PSMA1: variants seen among roughly 807,000 people sequenced by gnomAD.
The protein encoded by PSMA1 is proteasome subunit alpha type-1.
In PSMA1, 3 loss-of-function variants were observed where a neutral mutation model predicts 38.4. The ratio of observed to expected loss-of-function variants is 0.08; its 90% confidence interval spans 0.04 to 0.20. The LOEUF is 0.20. Ranked by LOEUF, PSMA1 falls within the 10% of genes least tolerant of loss-of-function variation. The pLI, the probability that PSMA1 is intolerant of heterozygous loss-of-function variation, is 1.00. For missense variants in PSMA1, 227 were observed against 325.3 expected, an observed-to-expected ratio of 0.70 and a Z score of 2.32; for synonymous variants, 101 against 107.1, an observed-to-expected ratio of 0.94 and a Z score of 0.35.
At chr11:14,530,149 C>A (rs1207495240) in intron 2 of PSMA1, among the ~76,000 whole-genome samples, 1 of 152,042 alleles carries the variant, frequency 6.6e-6, no homozygotes, top group South Asian at 2.1e-4. Flanking sequence ...CTGCCCTACC[C>A]CCCTGCTAGG....
intron 1 of PSMA1, among the ~76,000 whole-genome samples, chr11:14,638,997 T>C (rs907920866): frequency 1.3e-5 from 2 of 152,146 alleles, no homozygotes; most frequent in African/African-American, 4.8e-5. Flanking sequence ...GTAAGCGTTA[T>C]AGATTTAATA....
At chr11:14,589,427 G>GTA (rs1565051948) in intron 2 of PSMA1, among the ~76,000 whole-genome samples, 1 of 150,404 alleles carries the variant, frequency 6.6e-6, no homozygotes, top group African/African-American at 2.4e-5. Flanking sequence ...ATATATGTGT[G>GTA]TATATATATG....
At chr11:14,609,487 G>C (rs1852683139) in intron 2 of PSMA1, among the ~76,000 whole-genome samples, 1 of 152,128 alleles carries the variant, frequency 6.6e-6, no homozygotes, top group South Asian at 2.1e-4. Context: ...TTAGTGACAT[G>C]ATAAGGAGAA....
At chr11:14,588,611 A>G (rs1852376835) in intron 2 of PSMA1, among the ~76,000 whole-genome samples, 5 of 152,234 alleles carry the variant, frequency 3.3e-5, no homozygotes, top group Admixed American at 3.3e-4. Flanking sequence ...AGGATGGACA[A>G]GAGTGTTCAT....
intron 2 of PSMA1, among the ~76,000 whole-genome samples, chr11:14,588,417 T>C (rs1398951269): frequency 6.6e-6 from 1 of 152,188 alleles, no homozygotes; most frequent in Non-Finnish European, 1.5e-5. Flanking sequence ...CTGCTGGGTA[T>C]GGACTTGATC....
At chr11:14,615,954 TGCAGATAACCTGA>T (rs1420184155) in intron 1 of PSMA1, among the ~76,000 whole-genome samples, 1 of 152,120 alleles carries the variant, frequency 6.6e-6, no homozygotes, top group African/African-American at 2.4e-5. Context: ...CTCTAGAATG[TGCAGATAACCTGA>T]GGGACATGGG....
chr11:14,625,373 G>A (rs186429973), intron 1 of PSMA1, among the ~76,000 whole-genome samples: 21 of 152,096 alleles, frequency 1.4e-4, no homozygotes, highest in African/African-American at 4.8e-4. Flanking sequence ...ACTTGAACCC[G>A]GGAGGCAAAG....
intron 1 of PSMA1, among the ~76,000 whole-genome samples, chr11:14,618,881 G>A (rs1275627989): frequency 1.3e-5 from 2 of 152,112 alleles, no homozygotes; most frequent in Non-Finnish European, 2.9e-5. Context: ...TTTTCTCACT[G>A]GATTTAAGTT....
At chr11:14,609,868 C>T (rs1852690270) in intron 2 of PSMA1, among the ~76,000 whole-genome samples, 1 of 152,280 alleles carries the variant, frequency 6.6e-6, no homozygotes, top group African/African-American at 2.4e-5. Flanking sequence ...CACCTGGATG[C>T]TTTGCTGAGA....
At chr11:14,593,901 C>T (rs903734607) in intron 2 of PSMA1, among the ~76,000 whole-genome samples, 2 of 152,182 alleles carry the variant, frequency 1.3e-5, no homozygotes, top group African/African-American at 4.8e-5. Context: ...AGGCCCTTAG[C>T]CTGTGCTTCC....
At chr11:14,537,730 A>G (rs1851726770) in intron 2 of PSMA1, among the ~76,000 whole-genome samples, 1 of 142,688 alleles carries the variant, frequency 7.0e-6, no homozygotes, top group South Asian at 2.2e-4. Flanking sequence ...TTTTTTTTAG[A>G]CAGAGTATCA....
At position 14,562,727 on chromosome 11, in the gene PSMA1, C is replaced by T. The variant is rs977326239; in HGVS notation, c.22-43686G>A. On this transcript the variant is annotated intron_variant, in intron 2 of 10. Coordinates refer to the PSMA1 transcript ENST00000418988. ...GAAGCCTCTGCCTCCTGGGCTCAAG[C>T]GATCCTCCCATCCCAGCCTCCCGAG... Among the ~76,000 whole-genome samples the T allele has an allele frequency of 5.3e-5, 8 of 151,596 alleles. No homozygotes were observed. The East Asian group carries it at 7.8e-4, about 15-fold the overall frequency.
At chr11:14,553,774 A>G (rs1037207341) in intron 2 of PSMA1, among the ~76,000 whole-genome samples, 1 of 152,172 alleles carries the variant, frequency 6.6e-6, no homozygotes, top group Admixed American at 6.5e-5. Flanking sequence ...ATAAACTTAC[A>G]ATGGGTATTC....
intron 9 of PSMA1, 40 bp downstream of exon 9, chr11:14,507,616 T>G: frequency 7.4e-7 from 1 of 1,357,954 alleles, no homozygotes; most frequent in African/African-American, 1.5e-5. Context: ...GAACAGCAGC[T>G]TACAATAGAA....
At chr11:14,553,582 A>C (rs1166293302) in intron 2 of PSMA1, among the ~76,000 whole-genome samples, 2 of 151,992 alleles carry the variant, frequency 1.3e-5, no homozygotes, top group African/African-American at 4.8e-5. Flanking sequence ...CCAACCTTTG[A>C]GATTGGCTTT....
chr11:14,550,052 A>G (rs1003074972), intron 2 of PSMA1, among the ~76,000 whole-genome samples: 1 of 152,204 alleles, frequency 6.6e-6, no homozygotes, highest in Non-Finnish European at 1.5e-5. Flanking sequence ...CACAGTCATT[A>G]TTTGTAATCA....
chr11:14,531,635 T>C (rs529809242), intron 2 of PSMA1, among the ~76,000 whole-genome samples: 1 of 152,206 alleles, frequency 6.6e-6, no homozygotes, highest in Admixed American at 6.5e-5. Context: ...AATTTTTGTA[T>C]TTTTTGTAGA....
At chr11:14,543,828 C>T (rs1229472328) in intron 2 of PSMA1, among the ~76,000 whole-genome samples, 5 of 152,080 alleles carry the variant, frequency 3.3e-5, no homozygotes, top group African/African-American at 1.2e-4. Context: ...TGTTATATGT[C>T]CTTTTGCTTA....
At chr11:14,598,674 G>A (rs1852536067) in intron 2 of PSMA1, among the ~76,000 whole-genome samples, 1 of 148,626 alleles carries the variant, frequency 6.7e-6, no homozygotes, top group South Asian at 2.2e-4. Context: ...ACAGCACACT[G>A]ATGGGTCTTG....
Sources: gnomAD v4.1 joint callset for allele counts (sites outside exome capture counted in the v4.1 genomes callset) on GRCh38, gnomAD v4.1.1 for gene constraint, MANE v1.5 for transcripts, NCBI Gene and HGNC (gene_info 2026-07-23, HGNC 2026-07-21) for gene names.